Variants in MLPH observed in about 807,000 individuals in gnomAD.
MLPH encodes exophilin-3.
A neutral mutation model predicts 72.1 loss-of-function variants in MLPH; 51 were observed. That is an observed-to-expected ratio of 0.71 (90% CI 0.56 to 0.89). MLPH has a LOEUF of 0.89. Ranked by LOEUF, MLPH falls within the 40% of genes least tolerant of loss-of-function variation. The pLI is 0.00. For synonymous variants in MLPH, 301 were observed against 310.1 expected (o/e 0.97, Z 0.31); for missense variants, 743 against 759.9 (o/e 0.98, Z 0.26).
intron 13 of MLPH, among the ~76,000 whole-genome samples, chr2:237,547,410 G>A (rs1209865977): frequency 3.1e-5 from 1 of 32,108 alleles, no homozygotes. Context: ...GGAGCTCCCC[G>A]TGTTCAGGTG....
intron 1 of MLPH, among the ~76,000 whole-genome samples, chr2:237,489,212 C>G (rs796256845): frequency 1.3e-5 from 2 of 152,234 alleles, no homozygotes; most frequent in African/African-American, 4.8e-5. Context: ...GCGGTAGAGA[C>G]TAGCACTGAG....
chr2:237,540,367 G>T lies in MLPH; in HGVS notation c.1124G>T (p.Arg375Leu), dbSNP rs568076932. The T allele has an allele frequency of 6.8e-6, 11 of 1,613,668 alleles. No individual in the cohort carries two copies. In the South Asian group the frequency reaches 8.8e-5, roughly 13 times the overall value. The part of the protein sequence containing the change: ...PLAKGLGAGV[R>L]TEADVEEEAL... ...TGTCAGGGTCTAGGTGCTGGAGTGCGCACGGAGGCCGATGTAGAGGAGGAG... is the reference window on the plus strand; with the variant it reads ...TGTCAGGGTCTAGGTGCTGGAGTGCTCACGGAGGCCGATGTAGAGGAGGAG... The change falls in exon 10 of 16, where the codon CGC (arginine) becomes CTC (leucine). Residue 375 changes from arginine (R) to leucine (L), a missense_variant. Arg to Leu is a moderately radical substitution (Grantham distance 102). Transcript: ENST00000264605.
rs768514037 is a variant in MLPH, at chr2:237,549,282, A to G, written c.1675+4A>G. 1 of 1,613,892 alleles carries G rather than the reference A, an allele frequency of 6.2e-7. No homozygotes were observed. Among genetic ancestry groups the G allele is most frequent in the South Asian group, 1.1e-5 (1 of 91,080 alleles). On this transcript the variant is annotated splice_donor_region_variant and intron_variant, in intron 14 of 15. Coordinates refer to ENST00000264605, the MANE Select transcript of MLPH (RefSeq NM_024101.7). ...AGTAATTCCCTGAAAAGTCAAGGTA[A>G]GAGCCCTCTGCTCCCCCACCCCCAT...
chr2:237,508,558 C>G (rs1574847161), intron 2 of MLPH, among the ~76,000 whole-genome samples: 1 of 152,206 alleles, frequency 6.6e-6, no homozygotes, highest in East Asian at 1.9e-4. Flanking sequence ...CAAATGATGT[C>G]TCAGCATTAT....
Position 237,493,496 on chromosome 2 carries a change from C to T in MLPH, c.70C>T (p.Arg24Ter), listed in dbSNP as rs140470472. 36 of 1,613,894 alleles carry T rather than the reference C, an allele frequency of 2.2e-5. No individual in the cohort carries two copies. The highest frequency in any genetic ancestry group is 6.6e-5 in the South Asian group (6 of 91,070). Reference protein sequence around the residue: ...EAQHVLEVVQRDFDLRRKEEE... With the variant: ...EAQHVLEVVQ The stretch of plus-strand genomic sequence containing the variant: ...CCAGCATGTCTTGGAAGTTGTTCAA[C>T]GAGATTTTGACCTCCGAAGGAAAGA... The change falls in exon 2 of 16, where the codon CGA (arginine) becomes TGA (stop). Residue 24 changes from arginine to a stop codon, truncating the protein, a stop_gained. Coordinates refer to ENST00000264605, the MANE Select transcript of MLPH (RefSeq NM_024101.7). LOFTEE classifies it high-confidence loss of function.
At chr2:237,549,564 G>A (rs1394688026) in intron 14 of MLPH, among the ~76,000 whole-genome samples, 1 of 152,170 alleles carries the variant, frequency 6.6e-6, no homozygotes, top group Non-Finnish European at 1.5e-5. Flanking sequence ...TCCTAACGTG[G>A]TACACAGTTC....
intron 2 of MLPH, among the ~76,000 whole-genome samples, chr2:237,497,246 C>T (rs752433358): frequency 3.9e-5 from 6 of 152,204 alleles, no homozygotes; most frequent in African/African-American, 1.2e-4. Flanking sequence ...CCGTGCAATT[C>T]GGTTCCTCAC....
At position 237,552,429 on chromosome 2, in the gene MLPH, A is replaced by G. The variant is rs777661908; in HGVS notation, c.1768A>G (p.Thr590Ala). Reference sequence around the variant, plus strand: ...CGCGAGGAAAGGAATGGCCAGCCACACCTTCGCGGTAAAGTTTTCTCTCAT... The same window carrying G: ...CGCGAGGAAAGGAATGGCCAGCCACGCCTTCGCGGTAAAGTTTTCTCTCAT... ...PNARKGMASH[T>A]FAKPVVAHQS is the part of the protein sequence containing the mutation. The change falls in exon 15 of 16, where the codon ACC (threonine) becomes GCC (alanine). Residue 590 changes from threonine (T) to alanine (A), a missense_variant. Transcript: ENST00000264605. 3.7e-6 allele frequency: 6 copies of G among 1,613,800 alleles called. No individual in the cohort carries two copies. In the African/African-American group the frequency reaches 8.0e-5, roughly 22 times the overall value.
In MLPH at chr2:237,553,546, T is replaced by C. The variant is rs751233109; in HGVS notation, c.1777-20T>C. The C allele has an allele frequency of 1.2e-6, 2 of 1,613,232 alleles. No individual in the cohort carries two copies. Among genetic ancestry groups the C allele is most frequent in the African/African-American group, 1.3e-5 (1 of 74,938 alleles). ...GTGTATGTGTGTGCTTATATGTGCA[T>C]GTGTGTTTGTACTTTACAGAAACCT... is the stretch of plus-strand genomic sequence containing the variant. On this transcript the variant is annotated intron_variant, in intron 15 of 15. Coordinates refer to ENST00000264605, the MANE Select transcript of MLPH (RefSeq NM_024101.7).
At chr2:237,553,483 T>C in intron 15 of MLPH, 83 bp from the exon 16 acceptor site, 1 of 1,280,130 alleles carries the variant, frequency 7.8e-7, no homozygotes, top group Non-Finnish European at 1.1e-6. Context: ...CCTGTGTATT[T>C]GTATGTGCAT....
chr2:237,553,820 T>C lies in MLPH; in HGVS notation c.*228T>C. On this transcript the variant is annotated 3_prime_UTR_variant, in exon 16 of 16. Transcript: ENST00000264605. ...CTCCTGGCTGCCCCACCATCCTCTC[T>C]GATCTGTGAGAAACAGCTAAGCTGC... 1.4e-6 allele frequency: 1 copy of C among 708,544 alleles called. No homozygotes were observed. The highest frequency in any genetic ancestry group is 1.5e-5 in the South Asian group (1 of 67,766). The allele number at this position is 708,544 out of a possible 1,614,324, so 43.9% of individuals were successfully genotyped here.
chr2:237,499,616 G>A (rs60596631), intron 2 of MLPH, among the ~76,000 whole-genome samples: 6,480 of 152,210 alleles, frequency 0.043, 371 homozygotes, highest in African/African-American at 0.13. Context: ...ATTTAACAAC[G>A]GATTTAACAA....
At chr2:237,500,386 C>T (rs1206726289) in intron 2 of MLPH, among the ~76,000 whole-genome samples, 2 of 152,180 alleles carry the variant, frequency 1.3e-5, no homozygotes, top group Non-Finnish European at 2.9e-5. Context: ...AGCCACTAGC[C>T]ACCCAAGGCT....
Position 237,546,403 on chromosome 2 carries a change from G to A in MLPH, c.1540-203G>A, listed in dbSNP as rs2080918811. ...CAATCTGAAATTCAAAGTTCCCTGG[G>A]TATCCTGTATTTTCATTTGCACACT... On this transcript the variant is annotated intron_variant, in intron 12 of 15. Transcript: ENST00000264605. The A allele has an allele frequency of 1.5e-5, 9 of 607,368 alleles. 1 individual carries two copies. In the South Asian group the frequency reaches 1.7e-4, roughly 12 times the overall value. 37.6% of individuals were successfully genotyped at this position (607,368 alleles called of 1,614,324 possible).
Position 237,541,926 on chromosome 2 carries a change from G to C in MLPH, c.1447-641G>C, listed in dbSNP as rs979578718. Among the ~76,000 whole-genome samples, 6 of 152,246 alleles carry C rather than the reference G, an allele frequency of 3.9e-5. No homozygotes were observed. The highest frequency in any genetic ancestry group is 8.8e-5 in the Non-Finnish European group (6 of 68,046). On this transcript the variant is annotated intron_variant, in intron 11 of 15. Transcript: ENST00000264605. This position sits in a 1 kb window ranked among gnomAD's most constrained non-coding sequence, Gnocchi z 5.1. ...AAGTAAGCCAGCCTGGCAAATCCAG[G>C]GGGCAGGAGGCCGGGTGGAGGGAGC...
At chr2:237,490,160 G>A in intron 1 of MLPH, among the ~76,000 whole-genome samples, 1 of 152,042 alleles carries the variant, frequency 6.6e-6, no homozygotes, top group African/African-American at 2.4e-5. Context: ...ACATACTCTG[G>A]GAGCCCCCAC....
At chr2:237,547,272 G>A (rs1182353786) in intron 13 of MLPH, among the ~76,000 whole-genome samples, 1 of 152,278 alleles carries the variant, frequency 6.6e-6, no homozygotes, top group Non-Finnish European at 1.5e-5. Flanking sequence ...CTCGGGGGGT[G>A]TGAGCGGGAC....
intron 12 of MLPH, chr2:237,545,625 C>T (rs1255962018): frequency 2.3e-6 from 3 of 1,285,100 alleles, no homozygotes; most frequent in African/African-American, 1.5e-5. Flanking sequence ...GCGGGAGGCT[C>T]ACATCAGAGG....
At chr2:237,493,852 A>C (rs973649065) in intron 2 of MLPH, among the ~76,000 whole-genome samples, 23 of 152,186 alleles carry the variant, frequency 1.5e-4, no homozygotes, top group African/African-American at 5.5e-4. Flanking sequence ...ATACATGGGG[A>C]AAGTCTCCAT....
Sources: gnomAD v4.1 joint callset for allele counts (sites outside exome capture counted in the v4.1 genomes callset) on GRCh38, gnomAD v4.1.1 for gene constraint, Gnocchi (gnomAD v3.1) non-coding constraint, MANE v1.5 for transcripts, NCBI Gene and HGNC (gene_info 2026-07-23, HGNC 2026-07-21) for gene names.